Variants in NRP2 observed in about 807,000 individuals in gnomAD.
NRP2 encodes the protein neuropilin 2.
NRP2 carries 52 observed loss-of-function variants against 110.4 expected under a neutral mutation model. The ratio of observed to expected loss-of-function variants is 0.47; its 90% CI spans 0.38 to 0.59. The LOEUF (loss-of-function observed/expected upper bound fraction) is 0.59. NRP2 is among the 20% of genes least tolerant of loss of function. The pLI is 0.00. For missense variants in NRP2, 1,049 were observed against 1,203.0 expected, an observed-to-expected ratio of 0.87 and a Z score of 1.89; for synonymous variants, 508 against 468.9, an observed-to-expected ratio of 1.08 and a Z score of -1.08.
At chr2:205,733,878 T>C (rs1420814441) in intron 7 of NRP2, among the ~76,000 whole-genome samples, 1 of 152,042 alleles carries the variant, frequency 6.6e-6, no homozygotes, top group South Asian at 2.1e-4. Context: ...CCTGTTAGTA[T>C]GCTGTGTTCC....
chr2:205,783,925 T>C (rs1188308604), intron 15 of NRP2, among the ~76,000 whole-genome samples: 2 of 151,218 alleles, frequency 1.3e-5, no homozygotes, highest in African/African-American at 2.4e-5. Context: ...CTCCTGGGCA[T>C]GAGGTATGAG....
At position 205,763,717 on chromosome 2, in the gene NRP2, G is replaced by C. The variant is rs761472216; in HGVS notation, c.2088G>C (p.Glu696Asp). ...GGCTGCAGAGTGACAGCCAGAGAGA[G>C]GGCCAGTATGCCCGGCTCATCAGCC... The part of the protein sequence containing the change: ...FLRLQSDSQR[E>D]GQYARLISPP... The change falls in exon 13 of 17, where the codon GAG (glutamate) becomes GAC (aspartate). Residue 696 changes from glutamate to aspartate, a missense_variant. Coordinates refer to ENST00000357785, the MANE Select transcript of NRP2 (RefSeq NM_003872.3). The surrounding 1 kb of genome is among the most constrained non-coding windows in gnomAD (Gnocchi z 4.0). 16 of 1,614,100 alleles carry C rather than the reference G, an allele frequency of 9.9e-6. 2 individuals are homozygous for C. In the South Asian group the frequency reaches 1.2e-4, roughly 12 times the overall value.
intron 9 of NRP2, among the ~76,000 whole-genome samples, chr2:205,744,996 C>T (rs975705201): frequency 4.6e-5 from 7 of 152,166 alleles, no homozygotes; most frequent in African/African-American, 7.2e-5. Flanking sequence ...AAAACTGGAG[C>T]GGTCCTGCTG....
At chr2:205,708,178 GA>G (rs1559316433) in intron 2 of NRP2, among the ~76,000 whole-genome samples, 1 of 152,342 alleles carries the variant, frequency 6.6e-6, no homozygotes, top group East Asian at 1.9e-4. Context: ...AGAGGGTGAG[GA>G]TTTTATAGAC....
chr2:205,775,175 A>T (rs1379319442), intron 15 of NRP2, among the ~76,000 whole-genome samples: 2 of 152,142 alleles, frequency 1.3e-5, no homozygotes, highest in African/African-American at 2.4e-5. Flanking sequence ...AGAAGTAAAG[A>T]TCATGTCTGG....
At chr2:205,691,954 G>A (rs767207940) in intron 1 of NRP2, among the ~76,000 whole-genome samples, 10 of 152,212 alleles carry the variant, frequency 6.6e-5, no homozygotes, top group South Asian at 2.1e-4. Context: ...AATCTAGATT[G>A]AGGGGAGAGA....
intron 7 of NRP2, among the ~76,000 whole-genome samples, chr2:205,728,883 GTC>G (rs1388799125): frequency 1.3e-5 from 2 of 152,244 alleles, no homozygotes; most frequent in East Asian, 3.9e-4. Flanking sequence ...TGGTGCAGAG[GTC>G]TGGAAGGAGA....
At chr2:205,700,817 T>C in intron 2 of NRP2, 2 of 507,352 alleles carry the variant, frequency 3.9e-6, no homozygotes, top group Non-Finnish European at 3.9e-6. Flanking sequence ...CTCCAGCCAC[T>C]TGCAGAAATG....
intron 10 of NRP2, among the ~76,000 whole-genome samples, chr2:205,746,315 G>A (rs578030931): frequency 6.6e-5 from 10 of 152,300 alleles, no homozygotes; most frequent in Middle Eastern, 3.4e-3. Context: ...TTTTCATTTC[G>A]GAGCCACATC....
chr2:205,722,243 C>A, intron 3 of NRP2: 3 of 511,454 alleles, frequency 5.9e-6, no homozygotes, highest in Non-Finnish European at 7.1e-6. Flanking sequence ...CTCCCCAATT[C>A]CTCAATTGCT....
At chr2:205,696,817 C>T (rs1027707828) in intron 1 of NRP2, among the ~76,000 whole-genome samples, 24 of 152,262 alleles carry the variant, frequency 1.6e-4, no homozygotes, top group Non-Finnish European at 2.9e-4. Flanking sequence ...GCACCTTTGT[C>T]GAAATTCCAA....
chr2:205,767,569 T>G, intron 15 of NRP2: 1 of 298,124 alleles, frequency 3.4e-6, no homozygotes, highest in Non-Finnish European at 6.7e-6. Flanking sequence ...GCTTGCCTCA[T>G]CCAGGTTATA....
At chr2:205,785,180 A>G (rs1437883349) in intron 15 of NRP2, among the ~76,000 whole-genome samples, 2 of 152,228 alleles carry the variant, frequency 1.3e-5, no homozygotes, top group Non-Finnish European at 2.9e-5. Context: ...TCTTCTTCAC[A>G]TTGGAAATGG....
intron 15 of NRP2, chr2:205,777,919 GAGA>G (rs2058124589): frequency 6.6e-6 from 1 of 152,200 alleles, no homozygotes; most frequent in Non-Finnish European, 1.5e-5. Flanking sequence ...CATCATCACA[GAGA>G]AGGTCAAATG....
intron 15 of NRP2, among the ~76,000 whole-genome samples, chr2:205,785,812 T>C (rs1034592794): frequency 2.0e-5 from 3 of 152,382 alleles, no homozygotes; most frequent in African/African-American, 7.2e-5. Context: ...TTCTTTTTAG[T>C]GTTTCCTTCT....
intron 2 of NRP2, among the ~76,000 whole-genome samples, chr2:205,706,499 C>G (rs1235464659): frequency 6.6e-6 from 1 of 152,008 alleles, no homozygotes; most frequent in East Asian, 1.9e-4. Flanking sequence ...GGTTTCGTCC[C>G]CACCCGACCC....
chr2:205,693,047 G>A (rs1344351421), intron 1 of NRP2, among the ~76,000 whole-genome samples: 2 of 152,188 alleles, frequency 1.3e-5, no homozygotes, highest in Non-Finnish European at 2.9e-5. Context: ...GGAGTAAGTG[G>A]CAAGGTGACA....
chr2:205,769,681 G>C (rs896188210), intron 15 of NRP2, among the ~76,000 whole-genome samples: 5 of 152,066 alleles, frequency 3.3e-5, no homozygotes, highest in African/African-American at 1.2e-4. Flanking sequence ...CCTTTTTTGT[G>C]GTTGTTATGA....
rs775207599 is a variant in NRP2 at position 205,716,358 on chromosome 2, C to G, written c.417C>G (p.Tyr139Ter). The G allele has an allele frequency of 6.2e-7, 1 of 1,614,016 alleles. No homozygotes were observed. Among genetic ancestry groups the G allele is most frequent in the Non-Finnish European group, 8.5e-7 (1 of 1,180,022 alleles). The change falls in exon 3 of 17, where the codon TAC becomes TAG. Residue 139 changes from tyrosine (Y) to a stop codon, truncating the protein, a stop_gained. Transcript: ENST00000357785. LOFTEE classifies it high-confidence loss of function. ...AGGGGGCAGGCTTCTCTCTGCGCTACGAGATCTTCAAGACAGGTCAGTGTG... is the reference window on the plus strand; with the variant it reads ...AGGGGGCAGGCTTCTCTCTGCGCTAGGAGATCTTCAAGACAGGTCAGTGTG... ...ARQGAGFSLR[Y>*]EIFKTGSEDC...
Sources: allele counts gnomAD v4.1 joint callset (sites outside exome capture counted in the v4.1 genomes callset), GRCh38; gene constraint gnomAD v4.1.1; non-coding constraint Gnocchi (gnomAD v3.1); transcripts MANE v1.5; gene names NCBI Gene and HGNC (gene_info 2026-07-23, HGNC 2026-07-21).